The following SORCS2 variants were observed in gnomAD, a reference collection of about 807,000 sequenced individuals.
SORCS2 encodes the protein sortilin related VPS10 domain containing receptor 2.
SORCS2 carries 100 observed loss-of-function variants against 141.6 expected under a neutral mutation model. The observed-to-expected ratio is 0.71, with a 90% CI of 0.60 to 0.83. SORCS2 has a LOEUF of 0.83. SORCS2 is among the 40% of genes least tolerant of loss of function. The probability of loss-of-function intolerance (pLI) is 0.00; values close to 1 mark genes in which losing one functional copy is unlikely to be tolerated. For synonymous variants in SORCS2, 789 were observed against 676.9 expected (o/e 1.17, Z -2.57); for missense variants, 1,646 against 1,560.2 (o/e 1.05, Z -0.93).
At chr4:7,500,419 C>T in intron 2 of SORCS2, among the ~76,000 whole-genome samples, 1 of 152,132 alleles carries the variant, frequency 6.6e-6, no homozygotes, top group East Asian at 1.9e-4. Flanking sequence ...TGGGGGCTTC[C>T]CTCCTCTGTC....
At chr4:7,732,917 G>A (rs1577134641) in intron 23 of SORCS2, among the ~76,000 whole-genome samples, 4 of 152,074 alleles carry the variant, frequency 2.6e-5, no homozygotes, top group East Asian at 3.9e-4. Context: ...CATGGCTCCA[G>A]AGGGTCCAAG....
chr4:7,508,897 A>T (rs926230262), intron 2 of SORCS2, among the ~76,000 whole-genome samples: 9 of 152,212 alleles, frequency 5.9e-5, no homozygotes, highest in Non-Finnish European at 1.3e-4. Flanking sequence ...ATCTGGAGGG[A>T]GTGAGCAGAA....
chr4:7,443,192 C>CT (rs1466266888), intron 2 of SORCS2, among the ~76,000 whole-genome samples: 2 of 152,150 alleles, frequency 1.3e-5, no homozygotes, highest in Admixed American at 1.3e-4. Context: ...TTGAACATAT[C>CT]TTTTTTTGGG....
chr4:7,568,493 A>C (rs1267986147), intron 3 of SORCS2, among the ~76,000 whole-genome samples: 1 of 152,198 alleles, frequency 6.6e-6, no homozygotes, highest in African/African-American at 2.4e-5. Flanking sequence ...CCTTGGAACC[A>C]GACTCAGTTA....
chr4:7,292,251 C>G (rs909753374), intron 1 of SORCS2, among the ~76,000 whole-genome samples: 2 of 150,454 alleles, frequency 1.3e-5, no homozygotes, highest in South Asian at 2.1e-4. Context: ...GAGGCTCCCC[C>G]GCATTCACGG....
At chr4:7,590,099 G>A (rs368977918) in intron 3 of SORCS2, among the ~76,000 whole-genome samples, 18 of 152,304 alleles carry the variant, frequency 1.2e-4, no homozygotes, top group African/African-American at 3.6e-4. Context: ...AACCCGAGTC[G>A]AATAAGAGAA....
At chr4:7,518,877 C>T (rs149375012) in intron 2 of SORCS2, among the ~76,000 whole-genome samples, 8 of 152,238 alleles carry the variant, frequency 5.3e-5, no homozygotes, top group Non-Finnish European at 7.4e-5. Flanking sequence ...TCCGGATCAT[C>T]GGACGGCTGC....
intron 4 of SORCS2, among the ~76,000 whole-genome samples, chr4:7,644,411 C>T (rs902189624): frequency 2.6e-5 from 4 of 152,204 alleles, no homozygotes; most frequent in African/African-American, 9.6e-5. Context: ...GTCCTGTGAC[C>T]TTGCTGGCAG....
At chr4:7,601,044 C>T (rs1717631741) in intron 3 of SORCS2, among the ~76,000 whole-genome samples, 1 of 152,188 alleles carries the variant, frequency 6.6e-6, no homozygotes, top group Non-Finnish European at 1.5e-5. Flanking sequence ...TGCCACCATG[C>T]CTGGCTAATT....
At chr4:7,482,041 C>G (rs1217871025) in intron 2 of SORCS2, among the ~76,000 whole-genome samples, 12 of 72,560 alleles carry the variant, frequency 1.7e-4, no homozygotes, top group African/African-American at 3.4e-4. Flanking sequence ...GCGGACACCC[C>G]TGACGCCGTT....
intron 2 of SORCS2, among the ~76,000 whole-genome samples, chr4:7,468,500 C>CT (rs1729757007): frequency 6.6e-6 from 1 of 152,244 alleles, no homozygotes; most frequent in Admixed American, 6.5e-5. Flanking sequence ...ATGGGGGTTA[C>CT]TTTCCTTCTG....
At position 7,394,115 on chromosome 4, in the gene SORCS2, C is replaced by T. The variant is rs564345619; in HGVS notation, c.481-2173C>T. The stretch of plus-strand genomic sequence containing the variant: ...GCTTGGTCGGTTGAAGCCAGTAGAA[C>T]GATTCTGTCCCCAAGACAGAGTGGA... On this transcript the variant is annotated intron_variant, in intron 1 of 26. Coordinates refer to ENST00000507866, the MANE Select transcript of SORCS2 (RefSeq NM_020777.3). Among the ~76,000 whole-genome samples, 16 of 152,076 alleles carry T rather than the reference C, an allele frequency of 1.1e-4. No homozygotes were observed. The South Asian group carries it at 2.3e-3, about 22-fold the overall frequency.
At chr4:7,552,556 C>T (rs1018074196) in intron 3 of SORCS2, among the ~76,000 whole-genome samples, 4 of 152,168 alleles carry the variant, frequency 2.6e-5, no homozygotes, top group Admixed American at 1.3e-4. Flanking sequence ...AGAGAGAGAC[C>T]ATGCCAGCAG....
At chr4:7,650,485 C>T (rs1170121471) in intron 4 of SORCS2, among the ~76,000 whole-genome samples, 1 of 152,188 alleles carries the variant, frequency 6.6e-6, no homozygotes, top group Non-Finnish European at 1.5e-5. Context: ...CTCAGAACAG[C>T]GTTGGAGCGC....
In SORCS2 at chr4:7,544,661, CAA is replaced by C. The variant is rs373535657; in HGVS notation, c.648+13033_648+13034del. On this transcript the variant is annotated intron_variant, in intron 3 of 26. Transcript: ENST00000507866. ...ATTCTCTGTTCAGCTCAGCACAAAA[CAA>C]GAGACAGAGGGAGCTGGGGTATTGA... Among the ~76,000 whole-genome samples, 478 of 152,360 alleles carry C rather than the reference CAA, an allele frequency of 3.1e-3. 2 individuals carry two copies. Among genetic ancestry groups the C allele is most frequent in the African/African-American group, 0.01 (433 of 41,574 alleles).
At chr4:7,701,119 C>T (rs1725049981) in intron 12 of SORCS2, among the ~76,000 whole-genome samples, 1 of 152,060 alleles carries the variant, frequency 6.6e-6, no homozygotes, top group Non-Finnish European at 1.5e-5. Flanking sequence ...GCCCTGGTGG[C>T]ACCACCCCTC....
chr4:7,434,039 T>C lies in SORCS2; in HGVS notation c.548+37684T>C, dbSNP rs748617124. The C allele has an allele frequency of 1.9e-6, 3 of 1,611,392 alleles. No homozygotes were observed. The African/African-American group carries it at 4.0e-5, about 22-fold the overall frequency. ...TTCATCTGCATCTCGCTCTGTTTCC[T>C]TGGCAACCCCAGCTCCAGGGAGGGG... On this transcript the variant is annotated intron_variant, in intron 2 of 26. Coordinates refer to ENST00000507866, the MANE Select transcript of SORCS2 (RefSeq NM_020777.3).
chr4:7,436,447 A>G (rs1560283900), intron 2 of SORCS2, among the ~76,000 whole-genome samples: 1 of 152,202 alleles, frequency 6.6e-6, no homozygotes, highest in Non-Finnish European at 1.5e-5. Flanking sequence ...TGTGTGCCAG[A>G]CTTCCTGCGA....
intron 1 of SORCS2, among the ~76,000 whole-genome samples, chr4:7,264,564 G>A (rs1319836846): frequency 2.6e-5 from 4 of 152,232 alleles, no homozygotes; most frequent in South Asian, 2.1e-4. Context: ...AGGCTTCTCC[G>A]TGGAGTGATG....
Sources: gnomAD v4.1 joint callset for allele counts (sites outside exome capture counted in the v4.1 genomes callset) on GRCh38, gnomAD v4.1.1 for gene constraint, MANE v1.5 for transcripts, NCBI Gene and HGNC (gene_info 2026-07-23, HGNC 2026-07-21) for gene names.